BBS9: variants seen among roughly 807,000 people sequenced by gnomAD.
BBS9 encodes the protein Bardet-Biedl syndrome 9.
BBS9 carries 89 observed loss-of-function variants against 117.7 expected under a neutral mutation model. The observed-to-expected ratio is 0.76, with a 90% confidence interval of 0.64 to 0.90. The LOEUF (loss-of-function observed/expected upper bound fraction) is 0.90, where lower values mean the gene tolerates loss of function less well. BBS9 is among the 40% of genes least tolerant of loss of function. The pLI, the probability that BBS9 is intolerant of heterozygous loss-of-function variation, is 0.00. For missense variants in BBS9, 982 were observed against 1,042.2 expected (o/e 0.94, Z 0.80); for synonymous variants, 379 against 370.9 (o/e 1.02, Z -0.25).
intron 9 of BBS9, among the ~76,000 whole-genome samples, chr7:33,302,417 G>C (rs1336240249): frequency 6.6e-6 from 1 of 152,094 alleles, no homozygotes; most frequent in Non-Finnish European, 1.5e-5. Flanking sequence ...TGATATATAA[G>C]ATTTCAGTCT....
intron 19 of BBS9, among the ~76,000 whole-genome samples, chr7:33,393,028 A>T (rs898374826): frequency 5.3e-5 from 8 of 152,146 alleles, no homozygotes; most frequent in Middle Eastern, 3.4e-3. Context: ...TAGCTGATAG[A>T]GGTGGTGCTC....
At chr7:33,573,490 C>T (rs1858193643) in intron 21 of BBS9, among the ~76,000 whole-genome samples, 1 of 152,054 alleles carries the variant, frequency 6.6e-6, no homozygotes, top group African/African-American at 2.4e-5. Flanking sequence ...AGAGCTCTTT[C>T]TTATTCTTGT....
intron 21 of BBS9, among the ~76,000 whole-genome samples, chr7:33,634,156 C>T (rs531878532): frequency 9.5e-4 from 145 of 152,344 alleles, no homozygotes; most frequent in Non-Finnish European, 1.8e-3. Flanking sequence ...TCCCTGCTCT[C>T]CCAAGTCCCT....
intron 21 of BBS9, among the ~76,000 whole-genome samples, chr7:33,631,172 G>T (rs1443606991): frequency 1.3e-5 from 2 of 152,186 alleles, no homozygotes; most frequent in Non-Finnish European, 2.9e-5. Context: ...TTGGAGGAAA[G>T]GCGAAAAGGC....
chr7:33,243,784 A>C (rs778913049), intron 5 of BBS9, among the ~76,000 whole-genome samples: 1 of 152,210 alleles, frequency 6.6e-6, no homozygotes, highest in African/African-American at 2.4e-5. Flanking sequence ...TAATGGACGA[A>C]AAAGAGCTAA....
intron 5 of BBS9, among the ~76,000 whole-genome samples, chr7:33,205,790 A>G (rs1479871796): frequency 6.6e-6 from 1 of 152,162 alleles, no homozygotes; most frequent in Non-Finnish European, 1.5e-5. Context: ...CACATACCCA[A>G]TTTCATGACT....
In BBS9 at chr7:33,605,402, T is replaced by A; in HGVS notation, c.*176T>A. 2 of 695,212 alleles carry A rather than the reference T, an allele frequency of 2.9e-6. No homozygotes were observed. Among genetic ancestry groups the A allele is most frequent in the Admixed American group, 4.5e-5 (2 of 44,294 alleles). 43.1% of individuals were successfully genotyped at this position (695,212 alleles called of 1,614,324 possible). Reference sequence around the variant, plus strand: ...CTTTTTACTTCACTAGGAGAACTTGTAACACCATGGGGAAGTCAGCTGAAA... The same window carrying A: ...CTTTTTACTTCACTAGGAGAACTTGAAACACCATGGGGAAGTCAGCTGAAA... On this transcript the variant is annotated 3_prime_UTR_variant, in exon 23 of 23. Transcript: ENST00000242067.
Position 33,340,861 on chromosome 7 carries a change from T to G in BBS9, c.1199-36T>G, listed in dbSNP as rs756912647. ...AAAACTATATATAGAAAGTTTTACT[T>G]TATGATTAAATAATTTTTCTTTTTT... On this transcript the variant is annotated intron_variant, in intron 10 of 22. Transcript: ENST00000242067. The G allele has an allele frequency of 4.5e-6, 7 of 1,570,662 alleles. No individual in the cohort carries two copies. The East Asian group carries it at 1.6e-4, about 36-fold the overall frequency.
chr7:33,493,832 G>C (rs1048374620), intron 19 of BBS9, among the ~76,000 whole-genome samples: 5 of 152,196 alleles, frequency 3.3e-5, no homozygotes, highest in African/African-American at 1.2e-4. Flanking sequence ...TTCATGCAGA[G>C]GAGGGTCTGA....
intron 17 of BBS9, among the ~76,000 whole-genome samples, chr7:33,375,743 C>T (rs1228170351): frequency 2.4e-4 from 36 of 151,630 alleles, no homozygotes; most frequent in Admixed American, 2.4e-3. Flanking sequence ...AGGTGTGCAC[C>T]ACCACACCCA....
At chr7:33,208,682 A>C (rs1787420905) in intron 5 of BBS9, among the ~76,000 whole-genome samples, 1 of 152,198 alleles carries the variant, frequency 6.6e-6, no homozygotes. Flanking sequence ...TGAAGGCAGC[A>C]AATGTTCTTT....
At chr7:33,611,150 C>T (rs561701158) in intron 21 of BBS9, among the ~76,000 whole-genome samples, 8 of 152,098 alleles carry the variant, frequency 5.3e-5, no homozygotes, top group East Asian at 1.9e-4. Context: ...TTCTGTTTAA[C>T]AGGCTACAGT....
intron 9 of BBS9, among the ~76,000 whole-genome samples, chr7:33,335,012 GC>G (rs1815004962): frequency 6.6e-6 from 1 of 152,176 alleles, no homozygotes; most frequent in Non-Finnish European, 1.5e-5. Context: ...CATCTTATGG[GC>G]AGAACTGAGC....
intron 5 of BBS9, among the ~76,000 whole-genome samples, chr7:33,211,004 G>C (rs1787907044): frequency 3.9e-5 from 6 of 152,024 alleles, no homozygotes; most frequent in Admixed American, 3.9e-4. Flanking sequence ...CTCTTCTTTT[G>C]ATTTCCATTT....
intron 9 of BBS9, among the ~76,000 whole-genome samples, chr7:33,308,475 A>G (rs891184278): frequency 6.6e-6 from 1 of 152,244 alleles, no homozygotes; most frequent in Non-Finnish European, 1.5e-5. Flanking sequence ...ACTGGAGTGT[A>G]CTAACATGTT....
chr7:33,414,460 A>G (rs1214574398), intron 19 of BBS9, among the ~76,000 whole-genome samples: 2 of 152,198 alleles, frequency 1.3e-5, no homozygotes, highest in African/African-American at 4.8e-5. Flanking sequence ...AAACACAAAA[A>G]TGAAAATGGA....
chr7:33,425,193 A>G (rs1324366943), intron 19 of BBS9, among the ~76,000 whole-genome samples: 1 of 152,108 alleles, frequency 6.6e-6, no homozygotes, highest in Non-Finnish European at 1.5e-5. Context: ...TCCCAACCCT[A>G]TGTCTAAACT....
intron 21 of BBS9, among the ~76,000 whole-genome samples, chr7:33,542,773 G>GTATA (rs112830674): frequency 4.9e-4 from 65 of 133,626 alleles, no homozygotes; most frequent in African/African-American, 7.5e-4. Flanking sequence ...GTATATGTGA[G>GTATA]TATATATATA....
rs148135281 is a variant in BBS9, at chr7:33,403,142, G to A, written c.2115+14998G>A. Among the ~76,000 whole-genome samples the A allele has an allele frequency of 5.1e-4, 77 of 151,632 alleles. 2 individuals carry two copies. In the East Asian group the frequency reaches 0.014, roughly 27 times the overall value. ...ATTCAGGGAGTAGATGTGCAGATTT[G>A]TTACATGGGTATATTGAGTGATGCT... is the stretch of plus-strand genomic sequence containing the variant. On this transcript the variant is annotated intron_variant, in intron 19 of 22. Transcript: ENST00000242067.
Sources: gnomAD v4.1 joint callset for allele counts (sites outside exome capture counted in the v4.1 genomes callset) on GRCh38, gnomAD v4.1.1 for gene constraint, MANE v1.5 for transcripts, NCBI Gene and HGNC (gene_info 2026-07-23, HGNC 2026-07-21) for gene names.